The following PRKCA variants were observed in gnomAD, a reference collection of about 807,000 sequenced individuals.
PRKCA encodes the protein protein kinase C alpha.
In PRKCA, 27 loss-of-function variants were observed where a neutral mutation model predicts 87.0. The observed-to-expected ratio is 0.31, with a 90% CI of 0.23 to 0.43. The LOEUF (loss-of-function observed/expected upper bound fraction) is 0.43, where lower values mean the gene tolerates loss of function less well. Among genes scored for constraint, PRKCA ranks in the 20% least tolerant of loss-of-function variants. The pLI is 1.00. For missense variants in PRKCA, 518 were observed against 852.3 expected (o/e 0.61, Z 4.88); for synonymous variants, 329 against 311.1 (o/e 1.06, Z -0.61).
intron 2 of PRKCA, among the ~76,000 whole-genome samples, chr17:66,437,731 T>TTTTTTTTTGTG (rs55779501): frequency 4.5e-4 from 5 of 11,160 alleles, no homozygotes; most frequent in African/African-American, 7.8e-4. Context: ...TTTTTTTTTT[T>TTTTTTTTTGTG]GAGCGGGGGG....
chr17:66,678,769 T>A (rs369272387), intron 5 of PRKCA, among the ~76,000 whole-genome samples: 1 of 152,200 alleles, frequency 6.6e-6, no homozygotes, highest in Non-Finnish European at 1.5e-5. Context: ...CTGTTTTAGA[T>A]ACATTTATGC....
At chr17:66,401,488 G>A (rs1265796948) in intron 2 of PRKCA, among the ~76,000 whole-genome samples, 1 of 152,208 alleles carries the variant, frequency 6.6e-6, no homozygotes, top group East Asian at 1.9e-4. Flanking sequence ...GTATGTCAGA[G>A]AACGTGGTTT....
At chr17:66,463,195 C>T (rs1197449721) in intron 2 of PRKCA, among the ~76,000 whole-genome samples, 1 of 152,090 alleles carries the variant, frequency 6.6e-6, no homozygotes, top group Non-Finnish European at 1.5e-5. Flanking sequence ...GCTGCCATGC[C>T]TGTCGCCCTG....
chr17:66,438,167 A>G (rs1913514163), intron 2 of PRKCA, among the ~76,000 whole-genome samples: 1 of 152,042 alleles, frequency 6.6e-6, no homozygotes, highest in Non-Finnish European at 1.5e-5. Context: ...ATCTTGTGTG[A>G]CTGCGGTTGA....
rs201447337 is a variant in PRKCA at position 66,788,880 on chromosome 17, T to C, written c.1755T>C (p.Pro585=). The change falls in exon 16 of 17, where the codon CCT becomes CCC. Residue 585 remains proline (P), a synonymous_variant. Coordinates refer to ENST00000413366, the MANE Select transcript of PRKCA (RefSeq NM_002737.3). The stretch of plus-strand genomic sequence containing the variant: ...CAGCCAAGCGGCTGGGCTGTGGGCC[T>C]GAGGGGGAGAGGGACGTGAGAGAGC... The part of the protein sequence containing the change: ...KHPAKRLGCG[P]EGERDVREHA... 5.0e-6 allele frequency: 8 copies of C among 1,614,030 alleles called. No individual in the cohort carries two copies. The highest frequency in any genetic ancestry group is 2.2e-5 in the South Asian group (2 of 91,060).
chr17:66,688,914 C>T (rs766437038), intron 7 of PRKCA, 37 bp from the exon 8 acceptor site: 1 of 1,364,452 alleles, frequency 7.3e-7, no homozygotes, highest in Non-Finnish European at 1.0e-6. Context: ...GCTTGTTAAA[C>T]TTGCGGTGGT....
At chr17:66,706,123 G>A (rs1017703865) in intron 8 of PRKCA, among the ~76,000 whole-genome samples, 1 of 152,076 alleles carries the variant, frequency 6.6e-6, no homozygotes, top group African/African-American at 2.4e-5. Context: ...ATTTTAACAA[G>A]GTCCCCAGGT....
intron 2 of PRKCA, among the ~76,000 whole-genome samples, chr17:66,427,230 C>T (rs932661531): frequency 2.0e-5 from 3 of 152,150 alleles, no homozygotes; most frequent in African/African-American, 7.2e-5. Context: ...CGAGGTTTTG[C>T]CATGTTACCC....
intron 13 of PRKCA, among the ~76,000 whole-genome samples, chr17:66,763,345 G>T (rs1406707350): frequency 6.6e-6 from 1 of 152,192 alleles, no homozygotes; most frequent in Non-Finnish European, 1.5e-5. Flanking sequence ...CATGACAAAG[G>T]CTCCAGGAGT....
At chr17:66,389,516 A>T (rs7208676) in intron 2 of PRKCA, among the ~76,000 whole-genome samples, 120,506 of 152,144 alleles carry the variant, frequency 0.79, 48,216 homozygotes, top group South Asian at 0.87. Context: ...AATATGCCGG[A>T]AGTATCTGGT....
rs184289821 is a variant in PRKCA, at chr17:66,368,198, T to G, written c.205+62071T>G. Among the ~76,000 whole-genome samples, 70 of 151,986 alleles carry G rather than the reference T, an allele frequency of 4.6e-4. 1 individual carries two copies. The highest frequency in any genetic ancestry group is 1.6e-3 in the African/African-American group (67 of 41,446). ...CTGTGCATTTTAAGTTAAATTACTG[T>G]AGGTGATTGGGGATTTTGAAAATCT... is the stretch of plus-strand genomic sequence containing the variant. On this transcript the variant is annotated intron_variant, in intron 2 of 16. Transcript: ENST00000413366.
At chr17:66,778,602 C>A (rs1025409264) in intron 14 of PRKCA, among the ~76,000 whole-genome samples, 13 of 152,094 alleles carry the variant, frequency 8.5e-5, no homozygotes, top group African/African-American at 3.1e-4. Context: ...CTTTGGGGCC[C>A]TTGGGAGGCC....
chr17:66,700,885 G>A (rs1973043036), intron 8 of PRKCA, among the ~76,000 whole-genome samples: 1 of 152,110 alleles, frequency 6.6e-6, no homozygotes, highest in Non-Finnish European at 1.5e-5. Context: ...GTGATCTACA[G>A]ATTATACGTA....
At chr17:66,306,200 A>G (rs1297678356) in intron 2 of PRKCA, 73 bp downstream of exon 2, 3 of 1,409,566 alleles carry the variant, frequency 2.1e-6, no homozygotes, top group African/African-American at 1.4e-5. Context: ...CATTATTTCC[A>G]GTCATATTTT....
intron 3 of PRKCA, among the ~76,000 whole-genome samples, chr17:66,558,122 A>G (rs1331495470): frequency 1.3e-5 from 2 of 152,254 alleles, no homozygotes; most frequent in Non-Finnish European, 2.9e-5. Context: ...GAAATGTGGC[A>G]GGGCCTTGCC....
intron 3 of PRKCA, among the ~76,000 whole-genome samples, chr17:66,565,653 C>A (rs1968867952): frequency 6.6e-6 from 1 of 152,014 alleles, no homozygotes; most frequent in Non-Finnish European, 1.5e-5. Flanking sequence ...CTTCCAACAT[C>A]TATGCATGTT....
chr17:66,738,918 T>TA lies in PRKCA; in HGVS notation c.1322+63_1322+64insA, dbSNP rs869097084. On this transcript the variant is annotated intron_variant, in intron 11 of 16. Transcript: ENST00000413366. ...CAAGTCCTACCAACTGGAAACTTCC[T>TA]TTTTTCCCCCCCGCTTGAGATTGGG... The TA allele has an allele frequency of 2.0e-5, 23 of 1,175,226 alleles. 1 individual carries two copies. Among genetic ancestry groups the TA allele is most frequent in the African/African-American group, 3.7e-5 (1 of 27,282 alleles). The allele number at this position is 1,175,226 out of a possible 1,614,324, so 72.8% of individuals were successfully genotyped here. A position where few individuals can be genotyped will look rare whatever the true frequency, so the allele number is the denominator to read the frequency against.
chr17:66,706,699 C>T (rs1378167814), intron 8 of PRKCA, among the ~76,000 whole-genome samples: 6 of 151,454 alleles, frequency 4.0e-5, no homozygotes, highest in Admixed American at 6.6e-5. Context: ...AGGATATTTG[C>T]GAGACATGAA....
intron 8 of PRKCA, among the ~76,000 whole-genome samples, chr17:66,731,405 C>A (rs138863412): frequency 1.6e-3 from 247 of 151,238 alleles, no homozygotes; most frequent in Non-Finnish European, 2.6e-3. Flanking sequence ...TGCCCTAGGG[C>A]TCAGGGATGT....
Sources: allele counts gnomAD v4.1 joint callset (sites outside exome capture counted in the v4.1 genomes callset), GRCh38; gene constraint gnomAD v4.1.1; transcripts MANE v1.5; gene names NCBI Gene and HGNC (gene_info 2026-07-23, HGNC 2026-07-21).